Variants in KALRN observed in about 807,000 individuals in gnomAD.
KALRN encodes the protein kalirin.
A neutral mutation model predicts 353.7 loss-of-function variants in KALRN; 70 were observed. The observed-to-expected ratio is 0.20, with a 90% CI of 0.16 to 0.24. KALRN has a LOEUF of 0.24. KALRN is among the 10% of genes least tolerant of loss of function. KALRN has a pLI of 1.00. For synonymous variants in KALRN, 1,391 were observed against 1,434.8 expected, an observed-to-expected ratio of 0.97 and a Z score of 0.69; for missense variants, 2,791 against 3,756.7, an observed-to-expected ratio of 0.74 and a Z score of 6.72.
chr3:124,369,282 C>T (rs557249672), intron 10 of KALRN, among the ~76,000 whole-genome samples: 3 of 152,182 alleles, frequency 2.0e-5, no homozygotes, highest in East Asian at 3.9e-4. Context: ...CTTATCTTTC[C>T]CTTTTAAAAT....
At chr3:124,363,516 A>G (rs1366637498) in intron 10 of KALRN, among the ~76,000 whole-genome samples, 1 of 152,270 alleles carries the variant, frequency 6.6e-6, no homozygotes, top group Non-Finnish European at 1.5e-5. Flanking sequence ...ACTTAAAAGT[A>G]CTTTAAGTCT....
intron 23 of KALRN, among the ~76,000 whole-genome samples, chr3:124,457,734 C>G (rs2059458705): frequency 6.6e-6 from 1 of 152,116 alleles, no homozygotes; most frequent in Non-Finnish European, 1.5e-5. Flanking sequence ...AGCAATGAAG[C>G]CAGAATTTAA....
chr3:124,368,271 G>C (rs1174283928), intron 10 of KALRN, among the ~76,000 whole-genome samples: 1 of 146,948 alleles, frequency 6.8e-6, no homozygotes, highest in Non-Finnish European at 1.5e-5. Flanking sequence ...CGGACGGGGC[G>C]GCTGCCGGGC....
chr3:124,567,904 G>A lies in KALRN; in HGVS notation c.5182+4815G>A, dbSNP rs116523833. Among the ~76,000 whole-genome samples the A allele has an allele frequency of 9.2e-3, 1,404 of 152,246 alleles. 23 individuals are homozygous for A. Among genetic ancestry groups the A allele is most frequent in the African/African-American group, 0.032 (1,321 of 41,560 alleles). ...ATGGGAGGATTGCTTGAGCCTGAGG[G>A]TTCAGGGCTATAGTGAGCTGTGTTC... On this transcript the variant is annotated intron_variant, in intron 34 of 59. Coordinates refer to ENST00000682506, the MANE Select transcript of KALRN (RefSeq NM_001388419.1).
At chr3:124,676,445 G>A (rs536999001) in intron 49 of KALRN, among the ~76,000 whole-genome samples, 101 of 152,238 alleles carry the variant, frequency 6.6e-4, no homozygotes, top group African/African-American at 2.4e-3. Flanking sequence ...CTGAAACCCT[G>A]TGTCCACATC....
intron 10 of KALRN, among the ~76,000 whole-genome samples, chr3:124,367,054 C>CA (rs2084873265): frequency 7.5e-6 from 1 of 132,480 alleles, no homozygotes; most frequent in Non-Finnish European, 1.6e-5. Context: ...GCTGGCCGGG[C>CA]GGGGGGCTGA....
intron 1 of KALRN, among the ~76,000 whole-genome samples, chr3:124,066,487 CTT>C (rs1165855772): frequency 6.6e-6 from 1 of 152,108 alleles, no homozygotes; most frequent in Non-Finnish European, 1.5e-5. Context: ...TGAAAGGACT[CTT>C]TACAAAGGTG....
At chr3:124,614,407 T>C (rs886229939) in intron 34 of KALRN, among the ~76,000 whole-genome samples, 1 of 151,710 alleles carries the variant, frequency 6.6e-6, no homozygotes, top group Admixed American at 6.6e-5. Flanking sequence ...TAGCTGGGAC[T>C]ACAGGCATGT....
intron 10 of KALRN, among the ~76,000 whole-genome samples, chr3:124,364,407 C>G (rs576354785): frequency 1.3e-5 from 2 of 152,300 alleles, no homozygotes; most frequent in South Asian, 4.1e-4. Context: ...CTGCCCTTTC[C>G]CTGAAGAGCT....
chr3:124,104,640 TA>T (rs1250986831), intron 1 of KALRN, among the ~76,000 whole-genome samples: 2 of 152,158 alleles, frequency 1.3e-5, no homozygotes, highest in Non-Finnish European at 2.9e-5. Flanking sequence ...AGTACCAAGG[TA>T]CCAGCCAGTA....
chr3:124,074,059 G>A (rs1481280308), intron 1 of KALRN, among the ~76,000 whole-genome samples: 2 of 151,920 alleles, frequency 1.3e-5, no homozygotes, highest in Non-Finnish European at 2.9e-5. Context: ...TTACCAGGTT[G>A]GAGGTAGTAG....
chr3:124,256,454 G>A (rs34266187), intron 3 of KALRN, among the ~76,000 whole-genome samples: 44,055 of 152,100 alleles, frequency 0.29, 7,457 homozygotes, highest in Non-Finnish European at 0.37. Flanking sequence ...TAAATGAGCG[G>A]GGAGTGGCTT....
chr3:124,583,418 A>C (rs2074816828), intron 34 of KALRN, among the ~76,000 whole-genome samples: 1 of 152,174 alleles, frequency 6.6e-6, no homozygotes, highest in South Asian at 2.1e-4. Context: ...GGGGTTGTGG[A>C]AAGCAAGCTT....
At chr3:124,325,952 C>G (rs373714890) in intron 6 of KALRN, 28 bp from the exon 7 acceptor site, 2 of 1,593,408 alleles carry the variant, frequency 1.3e-6, no homozygotes, top group African/African-American at 2.7e-5. Context: ...TGAGCCTGCC[C>G]CACTGAGCAC....
intron 9 of KALRN, among the ~76,000 whole-genome samples, chr3:124,341,619 C>T (rs2081724857): frequency 6.6e-6 from 1 of 152,128 alleles, no homozygotes. Flanking sequence ...GAGTGTAGAG[C>T]AGGAGATGTT....
intron 33 of KALRN, among the ~76,000 whole-genome samples, chr3:124,538,299 A>G (rs530660882): frequency 9.2e-5 from 14 of 152,026 alleles, no homozygotes; most frequent in Admixed American, 5.2e-4. Context: ...TGTGAGAGAC[A>G]GAGAAACAGA....
At chr3:124,634,064 A>G in intron 36 of KALRN, 111 bp downstream of exon 36, 10 of 788,200 alleles carry the variant, frequency 1.3e-5, no homozygotes, top group Non-Finnish European at 2.1e-5. Flanking sequence ...CTCGTCGTCC[A>G]CATGAATCCA....
chr3:124,253,724 G>A (rs2071499022), intron 3 of KALRN, among the ~76,000 whole-genome samples: 2 of 152,274 alleles, frequency 1.3e-5, no homozygotes, highest in Admixed American at 1.3e-4. Context: ...AAGGTTAATT[G>A]TGCTCCATCA....
intron 51 of KALRN, among the ~76,000 whole-genome samples, chr3:124,688,429 C>A (rs1039386228): frequency 1.3e-5 from 2 of 151,366 alleles, no homozygotes; most frequent in African/African-American, 4.8e-5. Context: ...ACTATTATAC[C>A]TAAATTCTTA....
Sources: allele counts gnomAD v4.1 joint callset (sites outside exome capture counted in the v4.1 genomes callset), GRCh38; gene constraint gnomAD v4.1.1; transcripts MANE v1.5; gene names NCBI Gene and HGNC (gene_info 2026-07-23, HGNC 2026-07-21).